Variants in SYT14 observed in about 807,000 individuals in gnomAD.
SYT14 encodes synaptotagmin-14.
In SYT14, 32 loss-of-function variants were observed where a neutral mutation model predicts 74.2. The ratio of observed to expected loss-of-function variants is 0.43; its 90% CI spans 0.33 to 0.58. SYT14 has a LOEUF of 0.58. Ranked by LOEUF, SYT14 falls within the 20% of genes least tolerant of loss-of-function variation. The probability of loss-of-function intolerance (pLI) is 0.05; values close to 1 mark genes in which losing one functional copy is unlikely to be tolerated. For synonymous variants in SYT14, 298 were observed against 337.7 expected (o/e 0.88, Z 1.29); for missense variants, 791 against 981.8 (o/e 0.81, Z 2.60).
At chr1:210,058,195 G>A (rs2081135292) in intron 5 of SYT14, among the ~76,000 whole-genome samples, 1 of 152,116 alleles carries the variant, frequency 6.6e-6, no homozygotes, top group Non-Finnish European at 1.5e-5. Context: ...CTGGGTCAGA[G>A]ACTTCCCTAC....
chr1:209,973,814 T>C (rs1414476743), intron 2 of SYT14, among the ~76,000 whole-genome samples: 1 of 152,250 alleles, frequency 6.6e-6, no homozygotes, highest in Admixed American at 6.5e-5. Context: ...TGAACCAGTT[T>C]ACAGTCCCAC....
At chr1:209,954,846 C>T (rs2078966864) in intron 2 of SYT14, among the ~76,000 whole-genome samples, 1 of 152,000 alleles carries the variant, frequency 6.6e-6, no homozygotes, top group Non-Finnish European at 1.5e-5. Context: ...GCTGGGATTA[C>T]AGGCGCATGC....
rs1340801799 is a variant in SYT14, at chr1:209,959,415, A to G, written c.-486+6659A>G. 2.6e-5 allele frequency among the ~76,000 whole-genome samples: 4 copies of G among 151,950 alleles called. No individual in the cohort carries two copies. In the East Asian group the frequency reaches 7.7e-4, roughly 29 times the overall value. ...CGCCTTGGCCTCCCAAACTGTTGAG[A>G]TTACAGGCGTGAGCCACCACACCCG... On this transcript the variant is annotated intron_variant, in intron 2 of 9. Transcript: ENST00000637265.
chr1:210,163,265 T>G (rs1244736390), exon 10 of SYT14: 1 of 453,744 alleles, frequency 2.2e-6, no homozygotes, highest in East Asian at 6.9e-5. Flanking sequence ...AAATCTACCT[T>G]TTTTCAGACT....
intron 5 of SYT14, among the ~76,000 whole-genome samples, chr1:210,092,861 T>C (rs1312681956): frequency 6.6e-6 from 1 of 152,208 alleles, no homozygotes; most frequent in Non-Finnish European, 1.5e-5. Flanking sequence ...CCACACAATA[T>C]AGTATTACAA....
At chr1:210,158,260 T>C (rs1267067529) in intron 8 of SYT14, among the ~76,000 whole-genome samples, 3 of 152,160 alleles carry the variant, frequency 2.0e-5, no homozygotes, top group Non-Finnish European at 4.4e-5. Flanking sequence ...GGGGGATAAC[T>C]GAAATGAGTA....
rs71146203 is a variant in SYT14 at position 210,000,613 on chromosome 1, C to CTTTTTTTTTTTTTTTTTTTTTTTTTTTTT, written c.-485-13001_-485-13000insTTTTTTTTTTTTTTTTTTTTTTTTTTTTT. ...TTTCATTAGGGCTGTTTTATGCCTTCTTTTTTTTTTTTTTTTTTTGAGATA... is the reference window on the plus strand; with the variant it reads ...TTTCATTAGGGCTGTTTTATGCCTTCTTTTTTTTTTTTTTTTTTTTTTTTTTTTTTTTTTTTTTTTTTTTTTTTGAGATA... On this transcript the variant is annotated intron_variant, in intron 2 of 9. Coordinates refer to ENST00000637265, the Ensembl canonical transcript of SYT14. Among the ~76,000 whole-genome samples, 10 of 105,424 alleles carry CTTTTTTTTTTTTTTTTTTTTTTTTTTTTT rather than the reference C, an allele frequency of 9.5e-5. 1 individual carries two copies. In the Admixed American group the frequency reaches 1.0e-3, roughly 11 times the overall value. The allele number at this position is 105,424 out of a possible 152,430, so 69.2% of individuals were successfully genotyped here.
At position 210,118,997 on chromosome 1, in the gene SYT14, AT is replaced by A. The variant is rs550714606; in HGVS notation, c.2034+18541del. ...TAAAACCAAAATCCTTAATTCTCAT[AT>A]TTTTGTACTCAAAATCTTGACAGAT... On this transcript the variant is annotated intron_variant, in intron 7 of 9. Transcript: ENST00000637265. 2.7e-3 allele frequency among the ~76,000 whole-genome samples: 418 copies of A among 152,268 alleles called. 2 individuals are homozygous for A. Among genetic ancestry groups the A allele is most frequent in the African/African-American group, 9.6e-3 (400 of 41,566 alleles).
At chr1:210,097,334 A>G (rs759268505) in intron 6 of SYT14, among the ~76,000 whole-genome samples, 7 of 152,198 alleles carry the variant, frequency 4.6e-5, no homozygotes, top group Non-Finnish European at 7.3e-5. Flanking sequence ...CATGGGAAGG[A>G]GTTTATAAAC....
chr1:210,059,443 T>TAGAGAGAGAG (rs1356440193), intron 5 of SYT14, among the ~76,000 whole-genome samples: 160 of 96,144 alleles, frequency 1.7e-3, no homozygotes, highest in Admixed American at 3.3e-3. Flanking sequence ...TATATATATA[T>TAGAGAGAGAG]ATATATATAG....
chr1:210,077,242 C>T (rs551539356), intron 5 of SYT14, among the ~76,000 whole-genome samples: 2 of 152,102 alleles, frequency 1.3e-5, no homozygotes, highest in African/African-American at 4.8e-5. Flanking sequence ...AAGAGAGAGT[C>T]GGTGGGGGGG....
At chr1:209,950,458 G>T (rs1476550063) in intron 1 of SYT14, among the ~76,000 whole-genome samples, 1 of 152,172 alleles carries the variant, frequency 6.6e-6, no homozygotes, top group Non-Finnish European at 1.5e-5. Flanking sequence ...CTTTCAGCAA[G>T]TGATCTGTGG....
chr1:210,162,676 CATA>C (rs2083397212), exon 10 of SYT14: 5 of 448,048 alleles, frequency 1.1e-5, no homozygotes, highest in Non-Finnish European at 2.2e-5. Flanking sequence ...TTGTTATTAC[CATA>C]ATAACAAAAC....
At chr1:210,111,436 G>A (rs2082260041) in intron 7 of SYT14, among the ~76,000 whole-genome samples, 1 of 151,100 alleles carries the variant, frequency 6.6e-6, no homozygotes, top group Admixed American at 6.6e-5. Context: ...TGCAGGCTTG[G>A]GCCCAGAGGC....
intron 5 of SYT14, among the ~76,000 whole-genome samples, chr1:210,029,957 C>T (rs1321566725): frequency 6.6e-6 from 1 of 152,098 alleles, no homozygotes; most frequent in African/African-American, 2.4e-5. Flanking sequence ...AAGTCTTTCA[C>T]CTCCTTAGTT....
At chr1:210,146,701 CTA>C (rs952510233) in intron 7 of SYT14, among the ~76,000 whole-genome samples, 4 of 150,954 alleles carry the variant, frequency 2.6e-5, no homozygotes, top group African/African-American at 9.7e-5. Flanking sequence ...TATATATGGT[CTA>C]TATGTGTATA....
intron 7 of SYT14, among the ~76,000 whole-genome samples, chr1:210,150,894 G>A (rs983359189): frequency 6.6e-6 from 1 of 152,056 alleles, no homozygotes; most frequent in African/African-American, 2.4e-5. Flanking sequence ...TAATCATATT[G>A]TTTTTTCTCT....
chr1:209,938,312 G>A (rs755701640), intron 1 of SYT14, 35 bp downstream of exon 1: 3 of 1,543,052 alleles, frequency 1.9e-6, no homozygotes, highest in Non-Finnish European at 2.6e-6. Context: ...GCGAGGACCG[G>A]GACCACCCAG....
At chr1:210,161,919 A>G (rs1207142163) in exon 10 of SYT14, 2 of 452,188 alleles carry the variant, frequency 4.4e-6, no homozygotes, top group Non-Finnish European at 8.8e-6. Flanking sequence ...GTGTGAAAAT[A>G]CATTTTTTAC....
Sources: gnomAD v4.1 joint callset for allele counts (sites outside exome capture counted in the v4.1 genomes callset) on GRCh38, gnomAD v4.1.1 for gene constraint, MANE v1.5 for transcripts, NCBI Gene and HGNC (gene_info 2026-07-23, HGNC 2026-07-21) for gene names.